Variants in SLC9A4 observed in about 807,000 individuals in gnomAD.
SLC9A4 encodes the protein solute carrier family 9 member A4.
In SLC9A4, 63 loss-of-function variants were observed where a neutral mutation model predicts 67.4. The ratio of observed to expected loss-of-function variants is 0.93; its 90% CI spans 0.76 to 1.15. SLC9A4 has a LOEUF of 1.15. SLC9A4 is among the 50% of genes most tolerant of loss of function. SLC9A4 has a pLI of 0.00. For missense variants in SLC9A4, 1,089 were observed against 987.7 expected (o/e 1.10, Z -1.38); for synonymous variants, 393 against 367.2 (o/e 1.07, Z -0.80).
Position 102,526,328 on chromosome 2 carries a change from A to G in SLC9A4, c.2020A>G (p.Arg674Gly), listed in dbSNP as rs1380436285. 3 of 1,613,770 alleles carry G rather than the reference A, an allele frequency of 1.9e-6. No homozygotes were observed. Among genetic ancestry groups the G allele is most frequent in the South Asian group, 2.2e-5 (2 of 91,078 alleles). The change falls in exon 11 of 12, where the codon AGG becomes GGG. Residue 674 changes from arginine (R) to glycine (G), a missense_variant. By Grantham distance (125) the Arg-to-Gly change is moderately radical (BLOSUM62 -2). Transcript: ENST00000295269. Reference protein sequence around the residue: ...GNPQSAGRDTRAAGFSDDDSS... With the variant: ...GNPQSAGRDTGAAGFSDDDSS... ...TCCTCAGTCTGCAGGAAGAGACACA[A>G]GGGCTGCTGGGTTCTCAGGTAAGCT... is the stretch of plus-strand genomic sequence containing the variant.
At chr2:102,482,701 G>T (rs1684491695) in intron 2 of SLC9A4, among the ~76,000 whole-genome samples, 1 of 152,152 alleles carries the variant, frequency 6.6e-6, no homozygotes, top group Non-Finnish European at 1.5e-5. Flanking sequence ...GTCCTGGAGG[G>T]TGTTTATCTG....
At chr2:102,487,508 G>A (rs986765858) in intron 2 of SLC9A4, among the ~76,000 whole-genome samples, 3 of 152,132 alleles carry the variant, frequency 2.0e-5, no homozygotes, top group Non-Finnish European at 2.9e-5. Context: ...TAATCCTTGG[G>A]AGGCATGCTA....
chr2:102,508,266 T>G lies in SLC9A4; in HGVS notation c.1386T>G (p.Phe462Leu). 6.2e-7 allele frequency: 1 copy of G among 1,612,274 alleles called. No homozygotes were observed. Among genetic ancestry groups the G allele is most frequent in the Non-Finnish European group, 8.5e-7 (1 of 1,178,622 alleles). ...CTGCTACTCTAGTAGTTATATACTT[T>G]ACTGTATTTATTCAGGTAAGTAGAT... ...FVTATLVVIY[F>L]TVFIQGITVG... Residue 462 changes from phenylalanine to leucine, a missense_variant, in exon 5 of 12, where the codon TTT becomes TTG. Coordinates refer to ENST00000295269, the MANE Select transcript of SLC9A4 (RefSeq NM_001011552.4).
intron 9 of SLC9A4, among the ~76,000 whole-genome samples, chr2:102,522,236 A>G (rs1025069659): frequency 2.6e-5 from 4 of 152,290 alleles, no homozygotes; most frequent in African/African-American, 7.2e-5. Flanking sequence ...GAATTTCTAC[A>G]TACTTTCAAA....
chr2:102,475,583 T>C (rs1032813860), intron 1 of SLC9A4, among the ~76,000 whole-genome samples: 2 of 152,210 alleles, frequency 1.3e-5, no homozygotes, highest in African/African-American at 4.8e-5. Flanking sequence ...ATACGATTAT[T>C]CATAGAACTG....
At chr2:102,488,867 T>G (rs1684643971) in intron 2 of SLC9A4, among the ~76,000 whole-genome samples, 1 of 152,198 alleles carries the variant, frequency 6.6e-6, no homozygotes, top group Non-Finnish European at 1.5e-5. Flanking sequence ...TTCCTTTATG[T>G]TAACAATTAA....
intron 6 of SLC9A4, among the ~76,000 whole-genome samples, chr2:102,510,444 T>C (rs1685145062): frequency 6.6e-6 from 1 of 152,138 alleles, no homozygotes; most frequent in African/African-American, 2.4e-5. Context: ...TGTCTACAAG[T>C]AGGATTTTTT....
chr2:102,499,611 G>A (rs1684881842), intron 2 of SLC9A4, among the ~76,000 whole-genome samples: 1 of 152,142 alleles, frequency 6.6e-6, no homozygotes, highest in African/African-American at 2.4e-5. Flanking sequence ...TGTTGTGTGT[G>A]TACTTGCTTG....
chr2:102,483,835 T>TACACACACAC (rs1424356394), intron 2 of SLC9A4, among the ~76,000 whole-genome samples: 7 of 75,870 alleles, frequency 9.2e-5, no homozygotes, highest in African/African-American at 3.6e-4. Flanking sequence ...TATATATATA[T>TACACACACAC]ATATATACAC....
In SLC9A4 at chr2:102,512,188, G is replaced by T; in HGVS notation, c.1489-15G>T. 2 of 1,613,742 alleles carry T rather than the reference G, an allele frequency of 1.2e-6. No homozygotes were observed. Among genetic ancestry groups the T allele is most frequent in the African/African-American group, 1.3e-5 (1 of 75,004 alleles). On this transcript the variant is annotated splice_polypyrimidine_tract_variant and intron_variant, in intron 6 of 11. Coordinates refer to ENST00000295269, the MANE Select transcript of SLC9A4 (RefSeq NM_001011552.4). ...GCGTTTCTCCAGCAATCATTTTCTT[G>T]TGTTTGTTTGGCAGCTGATGGATCA...
chr2:102,516,814 A>T (rs1474861232), intron 8 of SLC9A4, among the ~76,000 whole-genome samples: 1 of 152,216 alleles, frequency 6.6e-6, no homozygotes, highest in African/African-American at 2.4e-5. Flanking sequence ...ATAGAGACCC[A>T]AGCTGATTAA....
At chr2:102,530,636 T>G (rs1674757015) in intron 11 of SLC9A4, among the ~76,000 whole-genome samples, 1 of 151,784 alleles carries the variant, frequency 6.6e-6, no homozygotes, top group Non-Finnish European at 1.5e-5. Flanking sequence ...AAGGTTGGAG[T>G]GAAAGAACAG....
chr2:102,501,451 G>T (rs7591101), intron 2 of SLC9A4, among the ~76,000 whole-genome samples: 107,363 of 151,616 alleles, frequency 0.71, 38,712 homozygotes, highest in Middle Eastern at 0.77. Flanking sequence ...CACCACGTTG[G>T]CAAGGCTGGT....
intron 7 of SLC9A4, among the ~76,000 whole-genome samples, chr2:102,513,559 G>A (rs1685211114): frequency 1.5e-5 from 1 of 65,990 alleles, no homozygotes; most frequent in Admixed American, 1.6e-4. Flanking sequence ...TGGGACATAC[G>A]TAGGGTTTTT....
At chr2:102,488,649 C>T (rs545493286) in intron 2 of SLC9A4, among the ~76,000 whole-genome samples, 47 of 151,122 alleles carry the variant, frequency 3.1e-4, no homozygotes, top group African/African-American at 6.8e-4. Context: ...CCCAGGTTCG[C>T]GACATTCTCC....
chr2:102,521,154 C>T (rs914282255), intron 9 of SLC9A4, among the ~76,000 whole-genome samples: 2 of 152,132 alleles, frequency 1.3e-5, no homozygotes, highest in African/African-American at 4.8e-5. Flanking sequence ...CCATAGGGTA[C>T]CTGGTACTCA....
chr2:102,515,136 G>T (rs949367087), intron 8 of SLC9A4, among the ~76,000 whole-genome samples: 3 of 151,892 alleles, frequency 2.0e-5, no homozygotes, highest in Non-Finnish European at 2.9e-5. Flanking sequence ...AGGAACATGG[G>T]CCCCCTCCAT....
At position 102,473,996 on chromosome 2, in the gene SLC9A4, A is replaced by C. The variant is rs1176330500; in HGVS notation, c.237A>C (p.Leu79=). 2 of 1,613,442 alleles carry C rather than the reference A, an allele frequency of 1.2e-6. No individual in the cohort carries two copies. The highest frequency in any genetic ancestry group is 3.3e-5 in the Admixed American group (2 of 60,000). ...ATGAGGTCACTCTCTGGATACTTCTAGCATCCCTTGCAAAAATAGGTAAGT... is the reference window on the plus strand; with the variant it reads ...ATGAGGTCACTCTCTGGATACTTCTCGCATCCCTTGCAAAAATAGGTAAGT... The part of the protein sequence containing the change: ...IPYEVTLWIL[L]ASLAKIGFHL... Residue 79 remains leucine (L), a synonymous_variant, in exon 1 of 12, where the codon CTA becomes CTC. Coordinates refer to ENST00000295269, the MANE Select transcript of SLC9A4 (RefSeq NM_001011552.4).
In SLC9A4 at chr2:102,533,891, C is replaced by G. The variant is rs1490059400; in HGVS notation, c.*1203C>G. 2.0e-5 allele frequency: 3 copies of G among 151,026 alleles called. No individual in the cohort carries two copies. Among genetic ancestry groups the G allele is most frequent in the African/African-American group, 7.3e-5 (3 of 41,076 alleles). The allele number at this position is 151,026 out of a possible 1,614,324, so 9.4% of individuals were successfully genotyped here. A position where few individuals can be genotyped will look rare whatever the true frequency, so the allele number is the denominator to read the frequency against. ...GCCACATTTTCTTAATCCAGTCTAT[C>G]ATTGTTGGACATTTGGGTTGGTTCC... On this transcript the variant is annotated 3_prime_UTR_variant, in exon 12 of 12. Coordinates refer to ENST00000295269, the MANE Select transcript of SLC9A4 (RefSeq NM_001011552.4).
Sources: allele counts gnomAD v4.1 joint callset (sites outside exome capture counted in the v4.1 genomes callset), GRCh38; gene constraint gnomAD v4.1.1; transcripts MANE v1.5; gene names NCBI Gene and HGNC (gene_info 2026-07-23, HGNC 2026-07-21).